Variants in ZNG1E observed in about 807,000 individuals in gnomAD.
ZNG1E encodes the protein Zn regulated GTPase metalloprotein activator 1E.
At chr9:65,667,038 C>T in the ZNG1E span, among the ~76,000 whole-genome samples, 1 of 152,238 alleles carries the variant, frequency 6.6e-6, no homozygotes, top group Non-Finnish European at 1.5e-5. Flanking sequence ...TCAGGCTGTT[C>T]TCAAACTCCT....
the ZNG1E span, among the ~76,000 whole-genome samples, chr9:65,685,293 A>C: frequency 6.6e-6 from 1 of 152,270 alleles, no homozygotes; most frequent in African/African-American, 2.4e-5. Flanking sequence ...TGGCAATTTC[A>C]TAAGATAATA....
the ZNG1E span, among the ~76,000 whole-genome samples, chr9:65,665,365 C>G: frequency 6.6e-6 from 1 of 152,270 alleles, no homozygotes; most frequent in African/African-American, 2.4e-5. Context: ...ACAGCTCTGT[C>G]TGTTGCTTCA....
At chr9:65,668,428 C>T in the ZNG1E span, among the ~76,000 whole-genome samples, 4 of 149,082 alleles carry the variant, frequency 2.7e-5, no homozygotes, top group Non-Finnish European at 5.9e-5. Context: ...TACTTTTCTA[C>T]TGTTTGAATT....
the ZNG1E span, among the ~76,000 whole-genome samples, chr9:65,664,400 C>T: frequency 7.7e-6 from 1 of 129,572 alleles, no homozygotes; most frequent in African/African-American, 3.3e-5. Context: ...AAAAGTCTCA[C>T]AAGATCTGAT....
the ZNG1E span, among the ~76,000 whole-genome samples, chr9:65,657,464 AG>A: frequency 3.9e-5 from 6 of 152,276 alleles, no homozygotes; most frequent in African/African-American, 1.4e-4. Flanking sequence ...GAAATAAGCC[AG>A]GCCCAAAAAA....
the ZNG1E span, among the ~76,000 whole-genome samples, chr9:65,728,040 TA>T: frequency 3.4e-5 from 5 of 147,160 alleles, no homozygotes; most frequent in East Asian, 1.0e-3. Flanking sequence ...AAATTAAAAT[TA>T]TATCAAGCAC....
At chr9:65,663,829 T>A in the ZNG1E span, among the ~76,000 whole-genome samples, 4 of 66,710 alleles carry the variant, frequency 6.0e-5, no homozygotes, top group Admixed American at 1.3e-4. Context: ...GGATGCAAAG[T>A]TTTTTTTAAG....
the ZNG1E span, among the ~76,000 whole-genome samples, chr9:65,666,302 G>A: frequency 2.0e-5 from 3 of 150,248 alleles, no homozygotes; most frequent in Non-Finnish European, 4.4e-5. Context: ...TAGTGAATAA[G>A]TCTCATGAGA....
At chr9:65,668,066 T>C in the ZNG1E span, among the ~76,000 whole-genome samples, 1 of 145,060 alleles carries the variant, frequency 6.9e-6, no homozygotes, top group African/African-American at 2.5e-5. Flanking sequence ...GTGCATATTG[T>C]CAAGTGAAGA....
At chr9:65,666,195 A>G in the ZNG1E span, among the ~76,000 whole-genome samples, 3 of 150,648 alleles carry the variant, frequency 2.0e-5, no homozygotes, top group Non-Finnish European at 4.4e-5. Flanking sequence ...CTGTGTCCCC[A>G]CCCAAATCTT....
the ZNG1E span, among the ~76,000 whole-genome samples, chr9:65,680,889 C>T: frequency 3.2e-3 from 490 of 152,078 alleles, 1 homozygote; most frequent in African/African-American, 0.01. Context: ...CCCGGGTTCA[C>T]GCCATTCTCC....
the ZNG1E span, among the ~76,000 whole-genome samples, chr9:65,667,426 A>C: frequency 6.6e-6 from 1 of 152,278 alleles, no homozygotes; most frequent in Non-Finnish European, 1.5e-5. Flanking sequence ...ATTAATATTA[A>C]AATATATTGA....
the ZNG1E span, among the ~76,000 whole-genome samples, chr9:65,672,447 G>A: frequency 9.6e-5 from 9 of 94,156 alleles, no homozygotes; most frequent in Non-Finnish European, 1.5e-4. Flanking sequence ...CTTCTTATAA[G>A]TTAAAAAAAA....
At chr9:65,685,043 T>TTA in the ZNG1E span, among the ~76,000 whole-genome samples, 21 of 107,708 alleles carry the variant, frequency 1.9e-4, no homozygotes, top group East Asian at 1.2e-3. Flanking sequence ...CCCCATTTCT[T>TTA]AAAAAAAAAA....
chr9:65,728,063 AC>A, the ZNG1E span, among the ~76,000 whole-genome samples: 2 of 150,492 alleles, frequency 1.3e-5, no homozygotes, highest in Admixed American at 6.6e-5. Flanking sequence ...CTCTCAGACC[AC>A]AGTGGAATAA....
chr9:65,678,563 A>T, the ZNG1E span, among the ~76,000 whole-genome samples: 1 of 147,608 alleles, frequency 6.8e-6, no homozygotes. Flanking sequence ...TAAAGAAATG[A>T]TATAGTCATA....
At chr9:65,680,625 C>T in the ZNG1E span, among the ~76,000 whole-genome samples, 1 of 152,244 alleles carries the variant, frequency 6.6e-6, no homozygotes, top group East Asian at 1.9e-4. Context: ...TATGGGAGCT[C>T]ATTTGCTTAG....
At chr9:65,684,245 T>C in the ZNG1E span, among the ~76,000 whole-genome samples, 1 of 151,912 alleles carries the variant, frequency 6.6e-6, no homozygotes, top group Admixed American at 6.6e-5. Context: ...TATTGTGATA[T>C]ACAAGTAAGG....
the ZNG1E span, among the ~76,000 whole-genome samples, chr9:65,659,619 G>A: frequency 0.1 from 9,733 of 96,024 alleles, 5 homozygotes; most frequent in African/African-American, 0.2. Flanking sequence ...GTGGACTTAG[G>A]CCAGATAGTA....
Sources: allele counts gnomAD v4.1 joint callset (sites outside exome capture counted in the v4.1 genomes callset), GRCh38; gene constraint gnomAD v4.1.1; transcripts MANE v1.5; gene names NCBI Gene and HGNC (gene_info 2026-07-23, HGNC 2026-07-21).